Variants in PEX5L observed in about 807,000 individuals in gnomAD.
The protein encoded by PEX5L is peroxisomal biogenesis factor 5 like.
In PEX5L, 30 loss-of-function variants were observed where a neutral mutation model predicts 84.0. The ratio of observed to expected loss-of-function variants is 0.36; its 90% CI spans 0.27 to 0.48. The LOEUF (loss-of-function observed/expected upper bound fraction) is 0.48, where lower values mean the gene tolerates loss of function less well. PEX5L is among the 20% of genes least tolerant of loss of function. The pLI is 0.99. For synonymous variants in PEX5L, 270 were observed against 283.1 expected (o/e 0.95, Z 0.46); for missense variants, 533 against 754.6 (o/e 0.71, Z 3.44).
rs767081923 is a variant in PEX5L, at chr3:179,809,550, G to T, written c.1273C>A (p.Pro425Thr). The stretch of plus-strand genomic sequence containing the variant: ...CTTTTCACAAGGTATTTGTACTTTG[G>T]ATTTTGCTTAATCCAATTCTTCAGA... ...DALKNWIKQN[P>T]KYKYLVKSKK... The change falls in exon 12 of 15, where the codon CCA becomes ACA. Residue 425 changes from proline (P) to threonine (T), a missense_variant. Pro to Thr is a conservative substitution (Grantham distance 38). This residue lies in a region of PEX5L where 63 missense variants were observed against 60.2 expected (regional missense o/e 1.05). Coordinates refer to ENST00000467460, the MANE Select transcript of PEX5L (RefSeq NM_016559.3). 6.2e-7 allele frequency: 1 copy of T among 1,613,978 alleles called. No homozygotes were observed. Among genetic ancestry groups the T allele is most frequent in the Non-Finnish European group, 8.5e-7 (1 of 1,179,960 alleles).
intron 10 of PEX5L, among the ~76,000 whole-genome samples, chr3:179,815,312 C>T (rs1188183203): frequency 6.6e-6 from 1 of 152,218 alleles, no homozygotes; most frequent in African/African-American, 2.4e-5. Flanking sequence ...CCGCTGGGCG[C>T]GGTGGCTCAT....
intron 8 of PEX5L, among the ~76,000 whole-genome samples, chr3:179,822,941 A>G (rs1360605724): frequency 6.6e-6 from 1 of 152,166 alleles, no homozygotes; most frequent in East Asian, 1.9e-4. Context: ...CCTTTTGTGA[A>G]TCTCTTAATA....
At chr3:180,014,848 G>A (rs949586095) in intron 1 of PEX5L, among the ~76,000 whole-genome samples, 2 of 152,052 alleles carry the variant, frequency 1.3e-5, no homozygotes, top group South Asian at 2.1e-4. Context: ...TGGTGATTTC[G>A]ATCTTGCAAT....
Position 179,812,003 on chromosome 3 carries a change from GA to G in PEX5L, c.1084-133del, listed in dbSNP as rs900813093. 4 of 684,070 alleles carry G rather than the reference GA, an allele frequency of 5.8e-6. No individual in the cohort carries two copies. The Admixed American group carries it at 7.1e-5, about 12-fold the overall frequency. The allele number at this position is 684,070 out of a possible 1,614,324, so 42.4% of individuals were successfully genotyped here. A position where few individuals can be genotyped will look rare whatever the true frequency, so the allele number is the denominator to read the frequency against. ...TCATATGTGAGCGCTATATAAAAGG[GA>G]AAAATATTGTATGCATTTCTTCATT... On this transcript the variant is annotated intron_variant, in intron 10 of 14. Transcript: ENST00000467460.
At chr3:179,864,200 G>C (rs1160797658) in intron 7 of PEX5L, among the ~76,000 whole-genome samples, 2 of 152,056 alleles carry the variant, frequency 1.3e-5, no homozygotes, top group Admixed American at 1.3e-4. Flanking sequence ...ATATCCAAAG[G>C]AAATGAAATC....
intron 6 of PEX5L, among the ~76,000 whole-genome samples, chr3:179,875,060 A>G (rs1297103808): frequency 6.6e-6 from 1 of 152,070 alleles, no homozygotes; most frequent in Non-Finnish European, 1.5e-5. Flanking sequence ...ATTATCATGT[A>G]TATACACGTA....
chr3:179,914,220 G>A (rs1766192072), intron 2 of PEX5L, among the ~76,000 whole-genome samples: 1 of 152,150 alleles, frequency 6.6e-6, no homozygotes, highest in South Asian at 2.1e-4. Context: ...GAATGTTCTT[G>A]AGGAAAGGGA....
rs1405018889 is a variant in PEX5L at position 179,811,797 on chromosome 3, T to G, written c.1154+4A>C. Reference sequence around the variant, plus strand: ...CCCATGATTTTGCACTTAGCTTCCTTTACCTCTGGAGGGCGACAATAGCTG... The same window carrying G: ...CCCATGATTTTGCACTTAGCTTCCTGTACCTCTGGAGGGCGACAATAGCTG... On this transcript the variant is annotated splice_donor_region_variant and intron_variant, in intron 11 of 14. Coordinates refer to ENST00000467460, the MANE Select transcript of PEX5L (RefSeq NM_016559.3). 1 of 1,611,954 alleles carries G rather than the reference T, an allele frequency of 6.2e-7. No individual in the cohort carries two copies. The highest frequency in any genetic ancestry group is 1.7e-5 in the Admixed American group (1 of 60,018).
chr3:179,901,421 T>C (rs1761308187), intron 2 of PEX5L, among the ~76,000 whole-genome samples: 1 of 152,226 alleles, frequency 6.6e-6, no homozygotes, highest in African/African-American at 2.4e-5. Context: ...AAATATACAC[T>C]GAATATACAT....
chr3:179,933,669 A>G (rs1455927999), intron 2 of PEX5L, among the ~76,000 whole-genome samples: 3 of 152,214 alleles, frequency 2.0e-5, no homozygotes, highest in Non-Finnish European at 4.4e-5. Flanking sequence ...AAGGAAGTCA[A>G]TGTTTTTGGT....
intron 1 of PEX5L, among the ~76,000 whole-genome samples, chr3:180,033,493 A>G (rs1791637920): frequency 6.6e-6 from 1 of 152,246 alleles, no homozygotes; most frequent in African/African-American, 2.4e-5. Context: ...ATACCACCCC[A>G]GAAATAAAAC....
chr3:179,857,577 T>C (rs1744495275), intron 8 of PEX5L, among the ~76,000 whole-genome samples: 1 of 152,220 alleles, frequency 6.6e-6, no homozygotes, highest in Admixed American at 6.5e-5. Context: ...AATATATGTA[T>C]CTTGATAGAT....
At chr3:179,845,422 G>A (rs1738946122) in intron 8 of PEX5L, among the ~76,000 whole-genome samples, 2 of 152,098 alleles carry the variant, frequency 1.3e-5, no homozygotes, top group Admixed American at 1.3e-4. Flanking sequence ...ACTTTCCTTA[G>A]TCTCTTTCCA....
At chr3:179,969,894 T>C (rs1266512179) in intron 2 of PEX5L, among the ~76,000 whole-genome samples, 1 of 152,150 alleles carries the variant, frequency 6.6e-6, no homozygotes, top group Non-Finnish European at 1.5e-5. Context: ...GGTTTTGTTC[T>C]CTTATTTTTT....
intron 1 of PEX5L, among the ~76,000 whole-genome samples, chr3:180,001,322 CAT>C (rs567188632): frequency 1.7e-4 from 25 of 146,646 alleles, no homozygotes; most frequent in Non-Finnish European, 3.1e-4. Flanking sequence ...CCTTTATATT[CAT>C]ATATATATAT....
intron 8 of PEX5L, among the ~76,000 whole-genome samples, chr3:179,849,265 G>A (rs2108431570): frequency 6.6e-6 from 1 of 152,140 alleles, no homozygotes; most frequent in Admixed American, 6.5e-5. Flanking sequence ...ACTTATATAG[G>A]CAAAATCTAC....
At chr3:179,967,893 C>A (rs1222386138) in intron 2 of PEX5L, among the ~76,000 whole-genome samples, 1 of 152,130 alleles carries the variant, frequency 6.6e-6, no homozygotes, top group Non-Finnish European at 1.5e-5. Flanking sequence ...GGGGTGGGAT[C>A]CAGTAATCTA....
At chr3:179,839,684 C>T (rs1054228773) in intron 8 of PEX5L, among the ~76,000 whole-genome samples, 3 of 152,128 alleles carry the variant, frequency 2.0e-5, no homozygotes, top group African/African-American at 2.4e-5. Flanking sequence ...ATTATACATC[C>T]GTGCACCATC....
intron 2 of PEX5L, among the ~76,000 whole-genome samples, chr3:179,930,887 T>G (rs1043049961): frequency 6.6e-6 from 1 of 152,184 alleles, no homozygotes; most frequent in Non-Finnish European, 1.5e-5. Context: ...TAAGCACAGT[T>G]TTTTTCAGAC....
Sources: allele counts gnomAD v4.1 joint callset (sites outside exome capture counted in the v4.1 genomes callset), GRCh38; gene constraint gnomAD v4.1.1; regional missense constraint gnomAD v4.1.1; transcripts MANE v1.5; gene names NCBI Gene and HGNC (gene_info 2026-07-23, HGNC 2026-07-21).